The following DAB1 variants were observed in gnomAD, a reference collection of about 807,000 sequenced individuals.
DAB1 encodes disabled homolog 1.
In DAB1, 15 loss-of-function variants were observed where a neutral mutation model predicts 64.6. The ratio of observed to expected loss-of-function variants is 0.23; its 90% confidence interval spans 0.16 to 0.36. The LOEUF (loss-of-function observed/expected upper bound fraction) is 0.36, where lower values mean the gene tolerates loss of function less well. DAB1 is among the 10% of genes least tolerant of loss of function. The pLI is 1.00. For synonymous variants in DAB1, 235 were observed against 251.9 expected (o/e 0.93, Z 0.64); for missense variants, 596 against 706.7 (o/e 0.84, Z 1.78).
chr1:58,369,326 A>G (rs2100533153), intron 3 of DAB1, among the ~76,000 whole-genome samples: 1 of 152,252 alleles, frequency 6.6e-6, no homozygotes, highest in East Asian at 1.9e-4. Context: ...CTAAGATAAT[A>G]CCATTGCTTT....
chr1:57,117,990 C>T (rs908250643), intron 4 of DAB1, among the ~76,000 whole-genome samples: 6 of 152,148 alleles, frequency 3.9e-5, no homozygotes, highest in Admixed American at 6.5e-5. Flanking sequence ...AGAATACAGC[C>T]AGGCTGAAGT....
chr1:57,600,805 G>T (rs1310445966), intron 7 of DAB1, among the ~76,000 whole-genome samples: 2 of 152,184 alleles, frequency 1.3e-5, no homozygotes, highest in African/African-American at 4.8e-5. Flanking sequence ...TGGCATTCAA[G>T]TATAAAACAA....
At chr1:57,272,370 G>GCATCCCACACAACATTGCA (rs1553162978) in intron 2 of DAB1, among the ~76,000 whole-genome samples, 36 of 152,270 alleles carry the variant, frequency 2.4e-4, no homozygotes, top group African/African-American at 7.7e-4. Flanking sequence ...GGATGGATGC[G>GCATCCCACACAACATTGCA]CATCCCACAC....
At chr1:58,408,168 C>T (rs148768425) in intron 3 of DAB1, among the ~76,000 whole-genome samples, 18 of 152,304 alleles carry the variant, frequency 1.2e-4, no homozygotes, top group South Asian at 6.2e-4. Flanking sequence ...GCCATCCAGG[C>T]GATTCTGATG....
At chr1:57,224,895 G>C (rs577491821) in intron 2 of DAB1, among the ~76,000 whole-genome samples, 3 of 152,272 alleles carry the variant, frequency 2.0e-5, no homozygotes, top group South Asian at 2.1e-4. Flanking sequence ...AGGAGATTCA[G>C]TTCAATCATG....
chr1:58,300,622 G>C (rs888774657), intron 4 of DAB1, among the ~76,000 whole-genome samples: 2 of 42,228 alleles, frequency 4.7e-5, no homozygotes, highest in Non-Finnish European at 1.1e-4. Flanking sequence ...GAGAGAGAGA[G>C]AGAGAGAGAG....
chr1:57,961,674 T>C (rs1430902855), intron 5 of DAB1, among the ~76,000 whole-genome samples: 1 of 152,144 alleles, frequency 6.6e-6, no homozygotes, highest in East Asian at 1.9e-4. Flanking sequence ...GTTCTTCACT[T>C]AAAGCTTAGT....
chr1:58,517,434 T>A (rs540762187), intron 2 of DAB1, among the ~76,000 whole-genome samples: 1 of 152,218 alleles, frequency 6.6e-6, no homozygotes, highest in Non-Finnish European at 1.5e-5. Context: ...AACATCTTCA[T>A]CAGGATAATT....
chr1:57,373,425 T>C (rs189584615), intron 1 of DAB1, among the ~76,000 whole-genome samples: 1 of 152,324 alleles, frequency 6.6e-6, no homozygotes, highest in South Asian at 2.1e-4. Context: ...CGTGTGTGTG[T>C]ATGCCTATTG....
At chr1:58,503,054 C>T (rs1315445843) in intron 3 of DAB1, among the ~76,000 whole-genome samples, 2 of 152,142 alleles carry the variant, frequency 1.3e-5, no homozygotes, top group African/African-American at 4.8e-5. Flanking sequence ...CAGTTTTTAC[C>T]TCTCCGAAGA....
chr1:58,408,547 A>G (rs1489005517), intron 3 of DAB1, among the ~76,000 whole-genome samples: 5 of 152,198 alleles, frequency 3.3e-5, no homozygotes, highest in Non-Finnish European at 7.3e-5. Context: ...AATGTGTATT[A>G]AGTGATTGAA....
chr1:57,212,073 G>A (rs748090888), intron 2 of DAB1, among the ~76,000 whole-genome samples: 26 of 152,158 alleles, frequency 1.7e-4, no homozygotes, highest in Non-Finnish European at 2.6e-4. Context: ...GCCAGAGAAT[G>A]CATGCATGCT....
At chr1:57,318,095 A>G (rs908226966) in intron 1 of DAB1, among the ~76,000 whole-genome samples, 6 of 150,182 alleles carry the variant, frequency 4.0e-5, no homozygotes, top group African/African-American at 1.5e-4. Context: ...TACAAATCGC[A>G]CACAGCATCT....
At position 57,023,593 on chromosome 1, in the gene DAB1, G is replaced by T. The variant is rs149218415; in HGVS notation, c.833C>A (p.Thr278Asn). ...AAACACATCTGCACTCGCTGGAAGG[G>T]TCTGAGATGAAGATGGGATAAAGGC... ...GDAFIPSSSQTLPASADVFSS... is the reference protein window; with the variant it reads ...GDAFIPSSSQNLPASADVFSS... The change falls in exon 11 of 15, where the codon ACC becomes AAC. Residue 278 changes from threonine to asparagine, a missense_variant. Thr to Asn is a moderately conservative substitution (Grantham distance 65, BLOSUM62 0). Around this residue, in one of 3 missense-constraint regions of DAB1, gnomAD observed 377 missense variants for 400.4 expected, o/e 0.94. Coordinates refer to ENST00000371236, the MANE Select transcript of DAB1 (RefSeq NM_001365792.1). 4.1e-5 allele frequency: 66 copies of T among 1,612,760 alleles called. No homozygotes were observed. In the African/African-American group the frequency reaches 8.7e-4, roughly 21 times the overall value.
At chr1:57,432,518 G>T (rs1021326809) in intron 7 of DAB1, among the ~76,000 whole-genome samples, 5 of 152,160 alleles carry the variant, frequency 3.3e-5, no homozygotes, top group African/African-American at 1.2e-4. Context: ...TTGGAAAGTT[G>T]TTAAGCCTAC....
intron 6 of DAB1, among the ~76,000 whole-genome samples, chr1:57,731,708 G>A (rs1051331824): frequency 6.6e-6 from 1 of 151,966 alleles, no homozygotes; most frequent in African/African-American, 2.4e-5. Flanking sequence ...AGGAGGCTGA[G>A]GCATGAGAAT....
chr1:57,325,911 C>T (rs1185679668), intron 1 of DAB1, among the ~76,000 whole-genome samples: 1 of 152,208 alleles, frequency 6.6e-6, no homozygotes, highest in African/African-American at 2.4e-5. Context: ...CACAGACACT[C>T]TTTCTCTCTG....
intron 5 of DAB1, among the ~76,000 whole-genome samples, chr1:58,005,687 C>A (rs972754237): frequency 5.3e-5 from 8 of 150,684 alleles, no homozygotes; most frequent in Admixed American, 4.6e-4. Flanking sequence ...ATAGCAAGAT[C>A]TTTTTTGATC....
At chr1:58,305,101 G>A (rs1662275950) in intron 4 of DAB1, among the ~76,000 whole-genome samples, 1 of 151,944 alleles carries the variant, frequency 6.6e-6, no homozygotes, top group African/African-American at 2.4e-5. Context: ...AGTAATCACA[G>A]GTGCAATTCA....
Sources: allele counts gnomAD v4.1 joint callset (sites outside exome capture counted in the v4.1 genomes callset), GRCh38; gene constraint gnomAD v4.1.1; regional missense constraint gnomAD v4.1.1; transcripts MANE v1.5; gene names NCBI Gene and HGNC (gene_info 2026-07-23, HGNC 2026-07-21).